Variants in TRPC7 observed in about 807,000 individuals in gnomAD.
TRPC7 encodes the protein short transient receptor potential channel 7.
A neutral mutation model predicts 90.1 loss-of-function variants in TRPC7; 42 were observed. The observed-to-expected ratio is 0.47, with a 90% CI of 0.36 to 0.60. The LOEUF (loss-of-function observed/expected upper bound fraction) is 0.60. Ranked by LOEUF, TRPC7 falls within the 20% of genes least tolerant of loss-of-function variation. TRPC7 has a pLI of 0.00. For synonymous variants in TRPC7, 451 were observed against 436.3 expected (o/e 1.03, Z -0.42); for missense variants, 955 against 1,112.3 (o/e 0.86, Z 2.01).
At chr5:136,256,224 C>T (rs911452104) in intron 5 of TRPC7, among the ~76,000 whole-genome samples, 1 of 152,144 alleles carries the variant, frequency 6.6e-6, no homozygotes, top group African/African-American at 2.4e-5. Flanking sequence ...CCTCCCATTG[C>T]TCCTCCTCAG....
chr5:136,285,932 T>C (rs1318912055), intron 3 of TRPC7, among the ~76,000 whole-genome samples: 1 of 152,198 alleles, frequency 6.6e-6, no homozygotes, highest in Non-Finnish European at 1.5e-5. Context: ...CAGTTCCTCC[T>C]GTCCTCTAAC....
At chr5:136,225,982 G>A (rs1400825899) in intron 9 of TRPC7, 52 bp downstream of exon 9, 145 of 1,482,476 alleles carry the variant, frequency 9.8e-5, no homozygotes, top group Non-Finnish European at 1.3e-4. Flanking sequence ...CTCTAGACTC[G>A]CCTGCCCCCT....
At chr5:136,311,566 A>G (rs896089939) in intron 3 of TRPC7, among the ~76,000 whole-genome samples, 7 of 152,228 alleles carry the variant, frequency 4.6e-5, no homozygotes, top group African/African-American at 1.7e-4. Flanking sequence ...AAAGGCCTTT[A>G]AGAAGGATAG....
At chr5:136,295,899 C>G (rs185647742) in intron 3 of TRPC7, among the ~76,000 whole-genome samples, 1 of 152,196 alleles carries the variant, frequency 6.6e-6, no homozygotes, top group Admixed American at 6.5e-5. Context: ...TCCTACTGGA[C>G]ACCTCTAACG....
chr5:136,311,850 A>G (rs1286122980), intron 3 of TRPC7, among the ~76,000 whole-genome samples: 1 of 152,222 alleles, frequency 6.6e-6, no homozygotes, highest in Admixed American at 6.5e-5. Context: ...GGTGGGTAAG[A>G]GAAATGTCCT....
At position 136,294,403 on chromosome 5, in the gene TRPC7, T is replaced by C. The variant is rs527256190; in HGVS notation, c.964-19566A>G. On this transcript the variant is annotated intron_variant, in intron 3 of 11. Transcript: ENST00000513104. ...GCAACCTACTCATCTGACAAATGGT[T>C]AATATCCAGAATCTACAATGAACTC... Among the ~76,000 whole-genome samples, 12 of 152,252 alleles carry C rather than the reference T, an allele frequency of 7.9e-5. No individual in the cohort carries two copies. In the East Asian group the frequency reaches 2.3e-3, roughly 29 times the overall value.
At chr5:136,301,030 G>A (rs1035066171) in intron 3 of TRPC7, among the ~76,000 whole-genome samples, 2 of 152,036 alleles carry the variant, frequency 1.3e-5, no homozygotes, top group Non-Finnish European at 2.9e-5. Context: ...TGTGGTCCAG[G>A]CATTTTTCTT....
intron 2 of TRPC7, among the ~76,000 whole-genome samples, chr5:136,341,491 A>ACC (rs35739197): frequency 6.8e-6 from 1 of 146,276 alleles, no homozygotes; most frequent in African/African-American, 2.5e-5. Context: ...ACACACACAC[A>ACC]CCTATGTATA....
chr5:136,218,788 G>A (rs1407188670), intron 10 of TRPC7, among the ~76,000 whole-genome samples: 4 of 152,232 alleles, frequency 2.6e-5, no homozygotes, highest in African/African-American at 9.7e-5. Flanking sequence ...AGAAGCAAAT[G>A]CATTGAGTGC....
At chr5:136,270,652 G>T (rs1289371206) in intron 4 of TRPC7, among the ~76,000 whole-genome samples, 1 of 152,186 alleles carries the variant, frequency 6.6e-6, no homozygotes, top group Non-Finnish European at 1.5e-5. Flanking sequence ...CTTCAAAGTT[G>T]CTGATTTTCT....
intron 2 of TRPC7, among the ~76,000 whole-genome samples, chr5:136,329,489 G>A (rs755813927): frequency 6.6e-6 from 1 of 152,056 alleles, no homozygotes; most frequent in Non-Finnish European, 1.5e-5. Context: ...GTTTCCAAAA[G>A]GAGGCAGAGT....
chr5:136,309,931 C>T (rs552291167), intron 3 of TRPC7, among the ~76,000 whole-genome samples: 2 of 152,166 alleles, frequency 1.3e-5, no homozygotes, highest in Non-Finnish European at 2.9e-5. Flanking sequence ...GAAGAGCTGT[C>T]TCTCCATCTA....
chr5:136,272,424 T>C (rs1389196268), intron 4 of TRPC7, among the ~76,000 whole-genome samples: 1 of 152,208 alleles, frequency 6.6e-6, no homozygotes, highest in Non-Finnish European at 1.5e-5. Context: ...TTCTAAATGG[T>C]GAAAGGAAAG....
At chr5:136,236,223 G>A (rs1755974381) in intron 7 of TRPC7, among the ~76,000 whole-genome samples, 1 of 152,206 alleles carries the variant, frequency 6.6e-6, no homozygotes, top group African/African-American at 2.4e-5. Context: ...AGTAAGATAA[G>A]AGAATGCTAT....
intron 8 of TRPC7, among the ~76,000 whole-genome samples, chr5:136,229,636 C>A (rs1240276427): frequency 6.6e-6 from 1 of 152,130 alleles, no homozygotes; most frequent in South Asian, 2.1e-4. Flanking sequence ...AAGGAGCCAA[C>A]CCTGCTGATG....
intron 5 of TRPC7, among the ~76,000 whole-genome samples, chr5:136,253,269 C>A (rs996386212): frequency 3.3e-5 from 5 of 151,986 alleles, no homozygotes; most frequent in Admixed American, 3.3e-4. Flanking sequence ...TTGAATAATG[C>A]TATTCTATAC....
intron 7 of TRPC7, among the ~76,000 whole-genome samples, chr5:136,240,876 TTTATTA>T (rs144033963): frequency 5.3e-5 from 8 of 151,814 alleles, no homozygotes; most frequent in African/African-American, 1.5e-4. Flanking sequence ...CAATTTGATA[TTTATTA>T]TTATTATTAT....
chr5:136,293,029 A>G (rs1204818193), intron 3 of TRPC7, among the ~76,000 whole-genome samples: 2 of 152,314 alleles, frequency 1.3e-5, no homozygotes, highest in Middle Eastern at 3.4e-3. Context: ...TATAAACAGA[A>G]CCAAAGACAA....
intron 7 of TRPC7, among the ~76,000 whole-genome samples, chr5:136,232,292 G>A (rs1198701460): frequency 6.6e-6 from 1 of 152,180 alleles, no homozygotes; most frequent in Non-Finnish European, 1.5e-5. Context: ...CACCTGGAAA[G>A]TGGGCAGTGT....
Sources: gnomAD v4.1 joint callset for allele counts (sites outside exome capture counted in the v4.1 genomes callset) on GRCh38, gnomAD v4.1.1 for gene constraint, MANE v1.5 for transcripts, NCBI Gene and HGNC (gene_info 2026-07-23, HGNC 2026-07-21) for gene names.